PLA2G4C: variants seen among roughly 807,000 people sequenced by gnomAD.
The protein encoded by PLA2G4C is phospholipase A2 group IVC.
A neutral mutation model predicts 73.8 loss-of-function variants in PLA2G4C; 64 were observed. The observed-to-expected ratio is 0.87, with a 90% CI of 0.71 to 1.07. The LOEUF (loss-of-function observed/expected upper bound fraction) is 1.07. Among genes scored for constraint, PLA2G4C ranks in the 50% least tolerant of loss-of-function variants. The pLI is 0.00. For synonymous variants in PLA2G4C, 254 were observed against 252.1 expected (o/e 1.01, Z -0.07); for missense variants, 622 against 665.4 (o/e 0.93, Z 0.72).
At chr19:48,052,732 A>G (rs751060893) in intron 16 of PLA2G4C, among the ~76,000 whole-genome samples, 3 of 152,152 alleles carry the variant, frequency 2.0e-5, no homozygotes, top group Non-Finnish European at 2.9e-5. Context: ...CCATGAGACC[A>G]TCAATTTCTG....
At chr19:48,088,780 A>G (rs1032304394) in intron 8 of PLA2G4C, 68 bp from the exon 9 acceptor site, 14 of 1,139,048 alleles carry the variant, frequency 1.2e-5, no homozygotes, top group Non-Finnish European at 1.7e-5. Flanking sequence ...AATATAAAAA[A>G]TACAGATGAC....
At chr19:48,051,284 G>A (rs143945241) in intron 16 of PLA2G4C, among the ~76,000 whole-genome samples, 197 of 152,252 alleles carry the variant, frequency 1.3e-3, no homozygotes, top group African/African-American at 4.3e-3. Flanking sequence ...CATAACACTC[G>A]TTTCAGATTT....
rs1025067519 is a variant in PLA2G4C at position 48,063,799 on chromosome 19, A to G, written c.1103-1647T>C. Reference sequence around the variant, plus strand: ...TATCCACCCAGAGCTTAAGTCTGACAAGAATCATTTACAATCTATTCTCTC... The same window carrying G: ...TATCCACCCAGAGCTTAAGTCTGACGAGAATCATTTACAATCTATTCTCTC... On this transcript the variant is annotated intron_variant, in intron 13 of 16. Transcript: ENST00000599921. 4 of 151,824 alleles carry G rather than the reference A, an allele frequency of 2.6e-5. No homozygotes were observed. In the South Asian group the frequency reaches 8.3e-4, roughly 32 times the overall value. 9.4% of individuals were successfully genotyped at this position (151,824 alleles called of 1,614,324 possible).
At chr19:48,082,496 C>CTTT (rs66641645) in intron 10 of PLA2G4C, among the ~76,000 whole-genome samples, 151 of 106,262 alleles carry the variant, frequency 1.4e-3, no homozygotes, top group East Asian at 1.7e-3. Flanking sequence ...TTCTTTCTTT[C>CTTT]TTTTTTTTTT....
intron 14 of PLA2G4C, among the ~76,000 whole-genome samples, chr19:48,057,558 T>C (rs376459999): frequency 0.044 from 5,938 of 134,210 alleles, 207 homozygotes; most frequent in African/African-American, 0.077. Flanking sequence ...GGCGGGATCT[T>C]GGCTCATTGC....
chr19:48,062,036 T>G lies in PLA2G4C; in HGVS notation c.1219A>C (p.Ile407Leu). The G allele has an allele frequency of 6.2e-7, 1 of 1,613,972 alleles. No individual in the cohort carries two copies. Among genetic ancestry groups the G allele is most frequent in the Non-Finnish European group, 8.5e-7 (1 of 1,179,968 alleles). The stretch of plus-strand genomic sequence containing the variant: ...CCGGCACTGAAGTCGAAGGAGAGGA[T>G]GAGGTGAACCTCCCGCGTCGGGGGC... ...VLPPTREVHL[I>L]LSFDFSAGDP... The change falls in exon 14 of 17, where the codon ATC becomes CTC. Residue 407 changes from isoleucine to leucine, a missense_variant. Ile to Leu is a conservative substitution (Grantham distance 5). Coordinates refer to ENST00000599921, the MANE Select transcript of PLA2G4C (RefSeq NM_003706.3).
At chr19:48,066,087 C>CA (rs199744302) in intron 13 of PLA2G4C, among the ~76,000 whole-genome samples, 5,958 of 111,718 alleles carry the variant, frequency 0.053, 337 homozygotes, top group African/African-American at 0.15. Flanking sequence ...AACTCCATCT[C>CA]AAAAAAAAAA....
chr19:48,105,082 C>CAAAAAAA (rs3083068), intron 3 of PLA2G4C, among the ~76,000 whole-genome samples: 8 of 87,548 alleles, frequency 9.1e-5, no homozygotes, highest in East Asian at 3.6e-4. Flanking sequence ...GACGTTGTCT[C>CAAAAAAA]AAAAAAAAAA....
At chr19:48,105,894 C>T in intron 2 of PLA2G4C, among the ~76,000 whole-genome samples, 1 of 1,644 alleles carries the variant, frequency 6.1e-4, no homozygotes, top group African/African-American at 5.8e-3. Flanking sequence ...TCTTTCCCTC[C>T]CTCCCTCCCT....
chr19:48,096,531 C>T (rs1007004200), intron 6 of PLA2G4C, among the ~76,000 whole-genome samples: 7 of 151,904 alleles, frequency 4.6e-5, no homozygotes, highest in South Asian at 2.1e-4. Context: ...TGCAGTGAGC[C>T]GAGATCGTGC....
intron 13 of PLA2G4C, among the ~76,000 whole-genome samples, chr19:48,064,579 A>G (rs1968339951): frequency 6.6e-6 from 1 of 152,194 alleles, no homozygotes; most frequent in Admixed American, 6.6e-5. Flanking sequence ...AAACATTATG[A>G]ATCTGTTCCC....
chr19:48,091,457 G>T (rs1229626253), intron 7 of PLA2G4C, among the ~76,000 whole-genome samples: 5 of 152,078 alleles, frequency 3.3e-5, no homozygotes, highest in African/African-American at 1.2e-4. Flanking sequence ...CACAGTGCTG[G>T]GATTTCAGCT....
chr19:48,082,916 C>T (rs1421333859), intron 10 of PLA2G4C, among the ~76,000 whole-genome samples: 2 of 151,228 alleles, frequency 1.3e-5, no homozygotes, highest in African/African-American at 2.4e-5. Flanking sequence ...CAGGTTCACG[C>T]CATTCTCCTG....
chr19:48,083,393 T>C (rs1230385987), intron 10 of PLA2G4C, among the ~76,000 whole-genome samples: 1 of 14,652 alleles, frequency 6.8e-5, no homozygotes, highest in Non-Finnish European at 1.5e-4. Context: ...TTTTCTTTTC[T>C]TTTTTTTTTT....
intron 9 of PLA2G4C, among the ~76,000 whole-genome samples, chr19:48,086,649 T>C (rs1324083431): frequency 6.6e-6 from 1 of 152,186 alleles, no homozygotes; most frequent in African/African-American, 2.4e-5. Flanking sequence ...AATATCCCAC[T>C]GCTACTACTG....
chr19:48,083,869 C>T (rs2030805378), intron 10 of PLA2G4C, among the ~76,000 whole-genome samples: 2 of 152,046 alleles, frequency 1.3e-5, no homozygotes, highest in East Asian at 3.9e-4. Flanking sequence ...TCAGAACCAC[C>T]ATACGATTCC....
At chr19:48,091,106 G>A (rs1394001753) in intron 7 of PLA2G4C, among the ~76,000 whole-genome samples, 1 of 152,108 alleles carries the variant, frequency 6.6e-6, no homozygotes, top group African/African-American at 2.4e-5. Flanking sequence ...AAGGATGGAG[G>A]AGCAGAAAAT....
chr19:48,087,445 T>C (rs1238284299), intron 9 of PLA2G4C, among the ~76,000 whole-genome samples: 1 of 152,182 alleles, frequency 6.6e-6, no homozygotes, highest in Non-Finnish European at 1.5e-5. Context: ...GGAGCCCCTC[T>C]AGGTTTAGGC....
chr19:48,088,483 T>C (rs556727349), intron 9 of PLA2G4C, among the ~76,000 whole-genome samples: 1 of 152,122 alleles, frequency 6.6e-6, no homozygotes, highest in African/African-American at 2.4e-5. Context: ...TGACAAAACA[T>C]GGTTCTACAG....
Sources: allele counts gnomAD v4.1 joint callset (sites outside exome capture counted in the v4.1 genomes callset), GRCh38; gene constraint gnomAD v4.1.1; transcripts MANE v1.5; gene names NCBI Gene and HGNC (gene_info 2026-07-23, HGNC 2026-07-21).